Variants in CELF2 observed in about 807,000 individuals in gnomAD.
CELF2 encodes the protein CUGBP Elav-like family member 2.
In CELF2, 8 loss-of-function variants were observed where a neutral mutation model predicts 62.6. The observed-to-expected ratio is 0.13, with a 90% CI of 0.07 to 0.23. The LOEUF is 0.23. Ranked by LOEUF, CELF2 falls within the 10% of genes least tolerant of loss-of-function variation. The pLI is 1.00. For missense variants in CELF2, 333 were observed against 671.0 expected, an observed-to-expected ratio of 0.50 and a Z score of 5.56; for synonymous variants, 258 against 250.0, an observed-to-expected ratio of 1.03 and a Z score of -0.30.
chr10:11,295,297 T>A (rs970159106), intron 9 of CELF2, among the ~76,000 whole-genome samples: 1 of 152,234 alleles, frequency 6.6e-6, no homozygotes, highest in African/African-American at 2.4e-5. Flanking sequence ...TAGACAAAGC[T>A]GATGAAGATT....
intron 9 of CELF2, among the ~76,000 whole-genome samples, chr10:11,292,118 C>G (rs1042498449): frequency 3.9e-5 from 6 of 152,178 alleles, no homozygotes; most frequent in African/African-American, 7.2e-5. Context: ...TTCATTCCCA[C>G]CATTGACCCT....
chr10:10,628,503 C>T, the CELF2 span, among the ~76,000 whole-genome samples: 10 of 152,060 alleles, frequency 6.6e-5, no homozygotes, highest in Non-Finnish European at 2.9e-5. Context: ...GAATCAATTC[C>T]ATGAAACATT....
chr10:11,304,387 T>C (rs1320325153), intron 9 of CELF2, among the ~76,000 whole-genome samples: 2 of 152,226 alleles, frequency 1.3e-5, no homozygotes, highest in Non-Finnish European at 2.9e-5. Context: ...TCAGCAACTT[T>C]CCTAGTCCAT....
intron 2 of CELF2, among the ~76,000 whole-genome samples, chr10:10,926,896 C>G (rs528026738): frequency 1.2e-3 from 177 of 152,234 alleles, no homozygotes; most frequent in Middle Eastern, 3.4e-3. Flanking sequence ...TTAATTAGTC[C>G]CTCAGCTGCA....
At chr10:11,299,045 G>A (rs931107570) in intron 9 of CELF2, among the ~76,000 whole-genome samples, 1 of 152,220 alleles carries the variant, frequency 6.6e-6, no homozygotes, top group Non-Finnish European at 1.5e-5. Flanking sequence ...CTGCTTTTGT[G>A]TTCTGCTGTT....
chr10:10,852,157 T>C (rs1044033954), intron 1 of CELF2, among the ~76,000 whole-genome samples: 1 of 152,380 alleles, frequency 6.6e-6, no homozygotes, highest in East Asian at 1.9e-4. Context: ...AGTATATCCA[T>C]AGAGCTTTAT....
intron 3 of CELF2, among the ~76,000 whole-genome samples, chr10:11,239,056 T>A (rs1452089728): frequency 1.3e-5 from 2 of 152,130 alleles, no homozygotes; most frequent in Non-Finnish European, 2.9e-5. Flanking sequence ...ACAGATGGGG[T>A]TGTGGAATGC....
chr10:10,813,084 A>G (rs1463423409), intron 1 of CELF2, among the ~76,000 whole-genome samples: 2 of 152,200 alleles, frequency 1.3e-5, no homozygotes, highest in Non-Finnish European at 2.9e-5. Context: ...CTCACAGCAC[A>G]GCAATTCTCT....
At chr10:10,671,806 T>C in the CELF2 span, among the ~76,000 whole-genome samples, 1 of 152,128 alleles carries the variant, frequency 6.6e-6, no homozygotes, top group African/African-American at 2.4e-5. Context: ...CTCAGCTCAC[T>C]GCAACCTCTG....
At chr10:10,558,067 C>T in the CELF2 span, among the ~76,000 whole-genome samples, 19,563 of 148,076 alleles carry the variant, frequency 0.13, 1,361 homozygotes, top group East Asian at 0.22. Context: ...ACTTCCAACA[C>T]TATGTTGAAT....
the CELF2 span, among the ~76,000 whole-genome samples, chr10:10,732,904 G>A: frequency 2.0e-5 from 3 of 152,134 alleles, no homozygotes; most frequent in Non-Finnish European, 2.9e-5. Context: ...CAGGCAGGCT[G>A]GGATTGGAGA....
chr10:10,486,468 C>T, the CELF2 span, among the ~76,000 whole-genome samples: 1 of 152,102 alleles, frequency 6.6e-6, no homozygotes, highest in South Asian at 2.1e-4. Context: ...CATTTTACAC[C>T]ATTGCATGCT....
chr10:10,656,072 A>T, the CELF2 span, among the ~76,000 whole-genome samples: 1 of 150,286 alleles, frequency 6.7e-6, no homozygotes, highest in Admixed American at 6.6e-5. Context: ...ACATGAACAG[A>T]CACTTCTCAA....
At chr10:11,295,006 G>A (rs551363458) in intron 9 of CELF2, among the ~76,000 whole-genome samples, 4 of 152,276 alleles carry the variant, frequency 2.6e-5, no homozygotes, top group East Asian at 3.9e-4. Flanking sequence ...TCTTATTGCT[G>A]CAGTAGAAAG....
Position 11,050,096 on chromosome 10 carries a change from T to C in CELF2, c.74+31933T>C, listed in dbSNP as rs2063640437. Among the ~76,000 whole-genome samples the C allele has an allele frequency of 2.0e-5, 3 of 152,206 alleles. No individual in the cohort carries two copies. In the South Asian group the frequency reaches 6.2e-4, roughly 32 times the overall value. ...TGTGGCTCAGCTGGGCAGCTCCAGC[T>C]TTCTTGCTCCCTCTGGGTTTCCTGA... On this transcript the variant is annotated intron_variant, in intron 1 of 12. Coordinates refer to ENST00000633077, the MANE Select transcript of CELF2 (RefSeq NM_001326342.2).
At chr10:11,038,668 C>T (rs2061349575) in intron 1 of CELF2, among the ~76,000 whole-genome samples, 1 of 152,162 alleles carries the variant, frequency 6.6e-6, no homozygotes, top group Non-Finnish European at 1.5e-5. Flanking sequence ...GCACTGATTT[C>T]ATACACATTA....
chr10:11,212,337 C>T (rs746089091), intron 2 of CELF2, among the ~76,000 whole-genome samples: 1 of 152,006 alleles, frequency 6.6e-6, no homozygotes, highest in Admixed American at 6.6e-5. Flanking sequence ...CCCTGTGAGG[C>T]CCCCCCGGGC....
At chr10:11,093,421 T>A (rs890361316) in intron 1 of CELF2, among the ~76,000 whole-genome samples, 18 of 152,194 alleles carry the variant, frequency 1.2e-4, no homozygotes, top group African/African-American at 4.3e-4. Context: ...AATTTATTTA[T>A]GTAAGTCAAT....
rs1313528728 is a variant in CELF2, at chr10:11,246,667, G to A, written c.355-2486G>A. 6.6e-6 allele frequency among the ~76,000 whole-genome samples: 1 copy of A among 152,154 alleles called. No individual in the cohort carries two copies. The highest frequency in any genetic ancestry group is 1.9e-4 in the East Asian group (1 of 5,198). ...GGCTCCCATGGGACCAGTTGCTCCTGCAGCTCCTCCTGCCCCTCACTCTGC... is the reference window on the plus strand; with the variant it reads ...GGCTCCCATGGGACCAGTTGCTCCTACAGCTCCTCCTGCCCCTCACTCTGC... On this transcript the variant is annotated intron_variant, in intron 3 of 12. Coordinates refer to ENST00000633077, the MANE Select transcript of CELF2 (RefSeq NM_001326342.2). The surrounding 1 kb of genome is among the most constrained non-coding windows in gnomAD (Gnocchi z 4.6).
Sources: gnomAD v4.1 joint callset for allele counts (sites outside exome capture counted in the v4.1 genomes callset) on GRCh38, gnomAD v4.1.1 for gene constraint, Gnocchi (gnomAD v3.1) non-coding constraint, MANE v1.5 for transcripts, NCBI Gene and HGNC (gene_info 2026-07-23, HGNC 2026-07-21) for gene names.